Variants in UBR4 observed in about 807,000 individuals in gnomAD.
UBR4 encodes ubiquitin protein ligase E3 component n-recognin 4, also known as E3 ubiquitin-protein ligase UBR4.
A neutral mutation model predicts 575.6 loss-of-function variants in UBR4; 124 were observed. The ratio of observed to expected loss-of-function variants is 0.22; its 90% CI spans 0.19 to 0.25. UBR4 has a LOEUF of 0.25. UBR4 is among the 10% of genes least tolerant of loss of function. The pLI is 1.00. For missense variants in UBR4, 4,818 were observed against 6,478.8 expected (o/e 0.74, Z 8.80); for synonymous variants, 2,455 against 2,473.7 (o/e 0.99, Z 0.22).
intron 19 of UBR4, 96 bp from the exon 20 acceptor site, chr1:19,176,823 T>A (rs1250179876): frequency 1.5e-6 from 2 of 1,376,186 alleles, no homozygotes; most frequent in East Asian, 2.4e-5. Context: ...TGAATCTTGG[T>A]AATCTGAATG....
Position 19,151,842 on chromosome 1 carries a change from A to C in UBR4, c.7014T>G (p.Ile2338Met). The change falls in exon 48 of 106, where the codon ATT becomes ATG. Residue 2338 changes from isoleucine (I) to methionine (M), a missense_variant. Physicochemically the swap from Ile to Met is conservative, Grantham distance 10. Coordinates refer to ENST00000375254, the MANE Select transcript of UBR4 (RefSeq NM_020765.3). ...VANTKPGGFT[I>M]EISNNNSTMV... ...TAGTGCTATTGTTGTTACTAATCTC[A>C]ATGGTGAAGCCTCCGGGCTGTAGGG... 1 of 1,604,668 alleles carries C rather than the reference A, an allele frequency of 6.2e-7. No homozygotes were observed. Among genetic ancestry groups the C allele is most frequent in the Non-Finnish European group, 8.5e-7 (1 of 1,174,250 alleles).
In UBR4 at chr1:19,173,013, A is replaced by T. The variant is rs1479059962; in HGVS notation, c.3372T>A (p.Leu1124=). 1 of 1,614,210 alleles carries T rather than the reference A, an allele frequency of 6.2e-7. No individual in the cohort carries two copies. Among genetic ancestry groups the T allele is most frequent in the Admixed American group, 1.7e-5 (1 of 60,028 alleles). The change falls in exon 25 of 106, where the codon CTT becomes CTA. Residue 1124 remains leucine, a synonymous_variant. Coordinates refer to ENST00000375254, the MANE Select transcript of UBR4 (RefSeq NM_020765.3). ...CCTGGACCTTTGAGATCGCGGCATC[A>T]AGGGTGTAGATGGACTGCAGACTGG... The part of the protein sequence containing the change: ...EIPSLQSIYT[L]DAAISKVQVS...
chr1:19,088,824 G>C lies in UBR4; in HGVS notation c.14365C>G (p.Arg4789Gly). 1 of 1,614,002 alleles carries C rather than the reference G, an allele frequency of 6.2e-7. No homozygotes were observed. Among genetic ancestry groups the C allele is most frequent in the Non-Finnish European group, 8.5e-7 (1 of 1,179,968 alleles). ...KKIDAARRET[R>G]AEKKRMAMAM... ...ATGGCCATGCGCTTCTTCTCTGCCC[G>C]GGTCTCCCTGCGGGCTGCGTCAATC... The change falls in exon 98 of 106, where the codon CGG (arginine) becomes GGG (glycine). Residue 4789 changes from arginine to glycine, a missense_variant. Transcript: ENST00000375254. This position sits in a 1 kb window ranked among gnomAD's most constrained non-coding sequence, Gnocchi z 4.0.
chr1:19,204,296 T>C (rs2092898895), intron 1 of UBR4, among the ~76,000 whole-genome samples: 1 of 152,190 alleles, frequency 6.6e-6, no homozygotes, highest in African/African-American at 2.4e-5. Context: ...CCTCCACGCC[T>C]GGCCCCACCC....
intron 68 of UBR4, 122 bp downstream of exon 68, chr1:19,121,067 T>C: frequency 2.2e-6 from 3 of 1,377,324 alleles, no homozygotes; most frequent in East Asian, 2.3e-5. Flanking sequence ...CTAGAGAACA[T>C]TTGGGCTTTA....
At chr1:19,105,947 G>A in intron 83 of UBR4, 105 bp from the exon 84 acceptor site, 1 of 707,226 alleles carries the variant, frequency 1.4e-6, no homozygotes, top group Non-Finnish European at 2.2e-6. Flanking sequence ...AGGTCTTCTG[G>A]GCACCTCTCT....
chr1:19,151,036 T>C lies in UBR4; in HGVS notation c.7214-243A>G, dbSNP rs1283306152. 42 of 554,792 alleles carry C rather than the reference T, an allele frequency of 7.6e-5. No individual in the cohort carries two copies. In the East Asian group the frequency reaches 1.2e-3, roughly 16 times the overall value. 34.4% of individuals were successfully genotyped at this position (554,792 alleles called of 1,614,324 possible). On this transcript the variant is annotated intron_variant, in intron 48 of 105. Transcript: ENST00000375254. ...ACTCAGAAGAGTCCCTAACCATCAC[T>C]GCAAGGGTCCTCTTCTGCTTCAGAG...
chr1:19,097,348 T>TGG, intron 90 of UBR4, 68 bp from the exon 91 acceptor site: 1 of 1,420,712 alleles, frequency 7.0e-7, no homozygotes, highest in South Asian at 1.3e-5. Flanking sequence ...ACTCCATACT[T>TGG]GGTCTTGCTT....
intron 11 of UBR4, among the ~76,000 whole-genome samples, chr1:19,189,898 G>A (rs138763828): frequency 4.6e-5 from 7 of 152,080 alleles, no homozygotes; most frequent in East Asian, 1.9e-4. Context: ...TGTCAATACC[G>A]GCTTCAGATT....
At chr1:19,142,367 G>A (rs561508407) in intron 55 of UBR4, among the ~76,000 whole-genome samples, 2 of 152,294 alleles carry the variant, frequency 1.3e-5, no homozygotes, top group East Asian at 3.9e-4. Context: ...AAGATGTCCA[G>A]GTGAGACTCC....
chr1:19,097,415 C>T (rs2078171880), intron 90 of UBR4, 135 bp from the exon 91 acceptor site: 3 of 600,178 alleles, frequency 5.0e-6, no homozygotes, highest in Non-Finnish European at 8.4e-6. Context: ...ACCACAACAT[C>T]TAGAATCCAA....
chr1:19,083,237 G>A (rs2148610275), intron 102 of UBR4, among the ~76,000 whole-genome samples: 1 of 152,324 alleles, frequency 6.6e-6, no homozygotes, highest in East Asian at 1.9e-4. Flanking sequence ...TTCAGCAGAT[G>A]ATGTAATGCA....
intron 97 of UBR4, among the ~76,000 whole-genome samples, chr1:19,091,467 A>C (rs2077505314): frequency 6.6e-6 from 1 of 152,234 alleles, no homozygotes; most frequent in South Asian, 2.1e-4. Flanking sequence ...CGCAATGCTG[A>C]GGACTCTCAA....
At position 19,123,094 on chromosome 1, in the gene UBR4, C is replaced by T. The variant is rs772175480; in HGVS notation, c.9589-34G>A. ...GAAAAACACCACAAAGAGTAAATGA[C>T]TCTGGGACTGTATCTATATCAACTG... On this transcript the variant is annotated intron_variant, in intron 65 of 105. Coordinates refer to ENST00000375254, the MANE Select transcript of UBR4 (RefSeq NM_020765.3). The T allele has an allele frequency of 3.1e-6, 5 of 1,604,602 alleles. No individual in the cohort carries two copies. In the African/African-American group the frequency reaches 4.0e-5, roughly 13 times the overall value.
intron 18 of UBR4, among the ~76,000 whole-genome samples, chr1:19,178,743 A>C (rs925906780): frequency 2.0e-5 from 3 of 152,360 alleles, no homozygotes; most frequent in Non-Finnish European, 2.9e-5. Flanking sequence ...AACCAAGGAC[A>C]GAGCTGGCTT....
rs141137070 is a variant in UBR4 at position 19,197,011 on chromosome 1, C to T, written c.1018+130G>A. On this transcript the variant is annotated intron_variant, in intron 8 of 105. Coordinates refer to ENST00000375254, the MANE Select transcript of UBR4 (RefSeq NM_020765.3). ...ATTGAGACCTCATTTCACCTTGATG[C>T]GACGTTAGATGATCCTTGAGAGAAG... 102 of 1,120,092 alleles carry T rather than the reference C, an allele frequency of 9.1e-5. No individual in the cohort carries two copies. In the East Asian group the frequency reaches 1.8e-3, roughly 20 times the overall value. The allele number at this position is 1,120,092 out of a possible 1,614,324, so 69.4% of individuals were successfully genotyped here. A position where few individuals can be genotyped will look rare whatever the true frequency, so the allele number is the denominator to read the frequency against.
Position 19,187,532 on chromosome 1 carries a change from C to T in UBR4, c.1403G>A (p.Gly468Glu). The part of the protein sequence containing the change: ...PKLGPGKGHQ[G>E]FGVLSVILAN... ...CAATATTACTGAGAGTACCCCAAAT[C>T]CCTGATGCCTACACAAAGAAAAAGG... The change falls in exon 12 of 106, where the codon GGA (glycine) becomes GAA (glutamate). Residue 468 changes from glycine to glutamate, a missense_variant. By Grantham distance (98) the Gly-to-Glu change is moderately conservative. This residue lies in a region of UBR4 where 162 missense variants were observed against 216.4 expected (regional missense o/e 0.75). Coordinates refer to ENST00000375254, the MANE Select transcript of UBR4 (RefSeq NM_020765.3). 6.2e-7 allele frequency: 1 copy of T among 1,613,552 alleles called. No homozygotes were observed. Among genetic ancestry groups the T allele is most frequent in the African/African-American group, 1.3e-5 (1 of 75,016 alleles).
chr1:19,083,103 C>T (rs961471741), intron 102 of UBR4, among the ~76,000 whole-genome samples: 23 of 152,286 alleles, frequency 1.5e-4, no homozygotes, highest in Middle Eastern at 3.4e-3. Context: ...CAGAAACATA[C>T]TGACACCTAG....
Position 19,096,904 on chromosome 1 carries a change from C to T in UBR4, c.13391-254G>A, listed in dbSNP as rs116060839. 7.0e-3 allele frequency among the ~76,000 whole-genome samples: 1,070 copies of T among 152,066 alleles called. 20 individuals carry two copies. Among genetic ancestry groups the T allele is most frequent in the African/African-American group, 0.025 (1,033 of 41,464 alleles). On this transcript the variant is annotated intron_variant, in intron 91 of 105. Coordinates refer to ENST00000375254, the MANE Select transcript of UBR4 (RefSeq NM_020765.3). ...GTCAAAGTATGAGCACCAATACCAT[C>T]AATGGAGTGGGGGGAGAGGGAGTTA...
Sources: gnomAD v4.1 joint callset for allele counts (sites outside exome capture counted in the v4.1 genomes callset) on GRCh38, gnomAD v4.1.1 for gene constraint, gnomAD v4.1.1 regional missense constraint, Gnocchi (gnomAD v3.1) non-coding constraint, MANE v1.5 for transcripts, NCBI Gene and HGNC (gene_info 2026-07-23, HGNC 2026-07-21) for gene names.